Variants in FAM185A observed in about 807,000 individuals in gnomAD.
The protein encoded by FAM185A is family with sequence similarity 185 member A.
Under a neutral mutation model 45.7 loss-of-function variants are expected in FAM185A, and 21 were observed. That is an observed-to-expected ratio of 0.46 (90% CI 0.33 to 0.66). The LOEUF (loss-of-function observed/expected upper bound fraction) is 0.66. Ranked by LOEUF, FAM185A falls within the 30% of genes least tolerant of loss-of-function variation. FAM185A has a pLI of 0.03. For missense variants in FAM185A, 305 were observed against 485.4 expected, an observed-to-expected ratio of 0.63 and a Z score of 3.49; for synonymous variants, 117 against 194.0, an observed-to-expected ratio of 0.60 and a Z score of 3.30.
At chr7:102,787,163 G>A (rs889349371) in intron 6 of FAM185A, among the ~76,000 whole-genome samples, 172 bp from the exon 7 acceptor site, 11 of 152,188 alleles carry the variant, frequency 7.2e-5, no homozygotes, top group African/African-American at 2.7e-4. Context: ...TGCCTTGAGA[G>A]TAAGGGAACT....
chr7:102,836,788 AT>A, the FAM185A span, among the ~76,000 whole-genome samples: 2,128 of 152,300 alleles, frequency 0.014, 115 homozygotes, highest in East Asian at 0.16. Context: ...ACTCACATTT[AT>A]TGACTGTCAC....
intron 7 of FAM185A, among the ~76,000 whole-genome samples, chr7:102,803,636 C>T (rs1175785869): frequency 6.6e-6 from 1 of 152,006 alleles, no homozygotes; most frequent in Non-Finnish European, 1.5e-5. Context: ...CAAGGATGCC[C>T]TCTCTCACCA....
the FAM185A span, among the ~76,000 whole-genome samples, chr7:102,820,138 G>A: frequency 2.6e-5 from 4 of 152,298 alleles, no homozygotes; most frequent in African/African-American, 9.6e-5. Flanking sequence ...AGACAAAGAT[G>A]GAATCGAGGG....
At chr7:102,806,561 G>T (rs73192006) in intron 7 of FAM185A, among the ~76,000 whole-genome samples, 75 of 151,808 alleles carry the variant, frequency 4.9e-4, no homozygotes, top group Admixed American at 3.2e-3. Flanking sequence ...TTGTTTGTTT[G>T]TGTTTTTTTG....
the FAM185A span, among the ~76,000 whole-genome samples, chr7:102,815,679 T>C: frequency 3.3e-5 from 5 of 152,060 alleles, no homozygotes; most frequent in Admixed American, 6.6e-5. Context: ...GAGTAAAAGA[T>C]TTGCAAATCC....
chr7:102,771,690 T>C (rs1210986439), intron 4 of FAM185A, among the ~76,000 whole-genome samples: 4 of 152,186 alleles, frequency 2.6e-5, no homozygotes, highest in Non-Finnish European at 4.4e-5. Context: ...TTATTGCTTA[T>C]ATTTTCAGTA....
the FAM185A span, among the ~76,000 whole-genome samples, chr7:102,829,521 T>C: frequency 6.6e-6 from 1 of 152,212 alleles, no homozygotes; most frequent in Non-Finnish European, 1.5e-5. Flanking sequence ...TAATCATTAC[T>C]AACTCCCACT....
At chr7:102,784,062 G>A (rs534590941) in intron 6 of FAM185A, among the ~76,000 whole-genome samples, 7 of 152,144 alleles carry the variant, frequency 4.6e-5, no homozygotes, top group African/African-American at 1.4e-4. Flanking sequence ...ACACCTCTAC[G>A]GAAATAAACT....
At chr7:102,849,789 T>C in the FAM185A span, among the ~76,000 whole-genome samples, 1 of 151,732 alleles carries the variant, frequency 6.6e-6, no homozygotes, top group African/African-American at 2.4e-5. Context: ...TTGGAAGAGG[T>C]AAAACTGGTT....
At chr7:102,824,638 A>G in the FAM185A span, among the ~76,000 whole-genome samples, 2 of 152,086 alleles carry the variant, frequency 1.3e-5, no homozygotes, top group African/African-American at 4.8e-5. Context: ...GGTGCCCGCC[A>G]CCACGCCCAA....
At chr7:102,765,370 G>A (rs1239312218) in intron 4 of FAM185A, among the ~76,000 whole-genome samples, 2 of 152,078 alleles carry the variant, frequency 1.3e-5, no homozygotes, top group African/African-American at 4.8e-5. Context: ...GTAGCATTCA[G>A]GAACTGGACT....
downstream of FAM185A, among the ~76,000 whole-genome samples, chr7:102,810,963 A>G (rs940163650): frequency 6.6e-6 from 1 of 152,166 alleles, no homozygotes; most frequent in African/African-American, 2.4e-5. Flanking sequence ...GCTTTGTAGG[A>G]TATCTCAGAG....
chr7:102,829,032 C>G, the FAM185A span, among the ~76,000 whole-genome samples: 3 of 152,176 alleles, frequency 2.0e-5, no homozygotes, highest in African/African-American at 7.2e-5. Flanking sequence ...AACAGCCAGG[C>G]TCTGTTCCAG....
the FAM185A span, among the ~76,000 whole-genome samples, chr7:102,826,721 T>C: frequency 1.4e-5 from 1 of 70,444 alleles, no homozygotes; most frequent in Admixed American, 1.8e-4. Flanking sequence ...TGAGACCCTG[T>C]CTCATATATA....
In FAM185A at chr7:102,806,685, A is replaced by G. The variant is rs183757361; in HGVS notation, c.1067-1605A>G. On this transcript the variant is annotated intron_variant, in intron 7 of 7. Coordinates refer to ENST00000413034, the MANE Select transcript of FAM185A (RefSeq NM_001145268.2). ...AGTGCAGTGGAACTCCAGAGGAGAT[A>G]TAACACCTTCATAACCTTGATTTGT... Among the ~76,000 whole-genome samples the G allele has an allele frequency of 5.9e-5, 9 of 152,344 alleles. No individual in the cohort carries two copies. The East Asian group carries it at 1.5e-3, about 26-fold the overall frequency.
the FAM185A span, among the ~76,000 whole-genome samples, chr7:102,834,093 A>G: frequency 0.021 from 1,816 of 85,808 alleles, 41 homozygotes; most frequent in African/African-American, 0.038. Context: ...AAGAAAAGAA[A>G]GAAAGAAAGA....
chr7:102,793,753 G>T (rs1259938508), intron 7 of FAM185A, among the ~76,000 whole-genome samples: 1 of 151,096 alleles, frequency 6.6e-6, no homozygotes, highest in Non-Finnish European at 1.5e-5. Flanking sequence ...AAATGTAAAA[G>T]CCCGGCCGGG....
chr7:102,818,572 AT>A, the FAM185A span, among the ~76,000 whole-genome samples: 1 of 152,146 alleles, frequency 6.6e-6, no homozygotes, highest in Non-Finnish European at 1.5e-5. Context: ...TAAGAGTTTT[AT>A]TTTTTATCAA....
At chr7:102,812,643 G>A (rs1797493056), downstream of FAM185A, among the ~76,000 whole-genome samples, 1 of 151,758 alleles carries the variant, frequency 6.6e-6, no homozygotes, top group African/African-American at 2.4e-5. Context: ...TATTCCCCTG[G>A]CTCAAACTCT....
Sources: gnomAD v4.1 joint callset for allele counts (sites outside exome capture counted in the v4.1 genomes callset) on GRCh38, gnomAD v4.1.1 for gene constraint, MANE v1.5 for transcripts, NCBI Gene and HGNC (gene_info 2026-07-23, HGNC 2026-07-21) for gene names.